Variants in KIF9 observed in about 807,000 individuals in gnomAD.
The protein encoded by KIF9 is kinesin family member 9, also known as kinesin-like protein KIF9.
A neutral mutation model predicts 94.8 loss-of-function variants in KIF9; 68 were observed. The observed-to-expected ratio is 0.72, with a 90% confidence interval of 0.59 to 0.88. The LOEUF is 0.88. Ranked by LOEUF, KIF9 falls within the 40% of genes least tolerant of loss-of-function variation. KIF9 has a pLI of 0.00. For missense variants in KIF9, 882 were observed against 982.5 expected, an observed-to-expected ratio of 0.90 and a Z score of 1.37; for synonymous variants, 343 against 362.1, an observed-to-expected ratio of 0.95 and a Z score of 0.60.
chr3:47,261,468 GCAGTGACGAACAGCCAGGGGCCT>G (rs1700969478), intron 9 of KIF9, among the ~76,000 whole-genome samples: 1 of 152,148 alleles, frequency 6.6e-6, no homozygotes, highest in Admixed American at 6.5e-5. Flanking sequence ...CTCCTCCTTG[GCAGTGACGAACAGCCAGGGGCCT>G]CAGGAGGCAG....
chr3:47,261,670 AC>A (rs1377303265), intron 9 of KIF9, among the ~76,000 whole-genome samples: 2 of 152,074 alleles, frequency 1.3e-5, no homozygotes, highest in Non-Finnish European at 2.9e-5. Flanking sequence ...TCAGCCACTG[AC>A]CCCCTGCAGG....
rs1700719824 is a variant in KIF9 at position 47,257,817 on chromosome 3, G to C, written c.982-257C>G. On this transcript the variant is annotated intron_variant, in intron 9 of 20. Transcript: ENST00000684063. ...CATGTAGACTGTGAGGATGCGCACT[G>C]GTCTATTCATCCAAACCTGACCACT... is the stretch of plus-strand genomic sequence containing the variant. Among the ~76,000 whole-genome samples, 4 of 152,166 alleles carry C rather than the reference G, an allele frequency of 2.6e-5. No homozygotes were observed. The South Asian group carries it at 8.3e-4, about 32-fold the overall frequency.
Position 47,282,489 on chromosome 3 carries a change from G to A in KIF9, c.-6+6C>T. ...CCACTCCCACCGGCGAGCAGCCCCT[G>A]CTCACCGTTCACCAGGCAGCGACGC... On this transcript the variant is annotated splice_donor_region_variant and intron_variant, in intron 1 of 20. Transcript: ENST00000684063. The A allele has an allele frequency of 1.0e-6, 1 of 992,858 alleles. No homozygotes were observed. Among genetic ancestry groups the A allele is most frequent in the Non-Finnish European group, 1.2e-6 (1 of 833,894 alleles). The allele number at this position is 992,858 out of a possible 1,614,324, so 61.5% of individuals were successfully genotyped here. A position where few individuals can be genotyped will look rare whatever the true frequency, so the allele number is the denominator to read the frequency against.
intron 20 of KIF9, among the ~76,000 whole-genome samples, chr3:47,229,876 C>T (rs929802463): frequency 6.6e-6 from 1 of 151,842 alleles, no homozygotes; most frequent in Non-Finnish European, 1.5e-5. Context: ...TGTGATTACA[C>T]GTGTGCACCA....
rs774868777 is a variant in KIF9 at position 47,243,092 on chromosome 3, G to C, written c.1668C>G (p.Pro556=). The C allele has an allele frequency of 2.5e-6, 4 of 1,613,146 alleles. No homozygotes were observed. The highest frequency in any genetic ancestry group is 1.7e-5 in the Admixed American group (1 of 59,974). ...SRDRETSSIE[P]LPSDSPKEEL... is the part of the protein sequence containing the mutation. The stretch of plus-strand genomic sequence containing the variant: ...CCTCCTTCGGGGAGTCTGAGGGAAG[G>C]GGCTCAATGCTGGAAGTTTCCCGGT... The change falls in exon 16 of 21, where the codon CCC becomes CCG. Residue 556 remains proline (P), a synonymous_variant. Transcript: ENST00000684063.
In KIF9 at chr3:47,228,603, G is replaced by A. The variant is rs747703260; in HGVS notation, c.*49C>T. The A allele has an allele frequency of 1.4e-6, 2 of 1,468,906 alleles. No individual in the cohort carries two copies. The highest frequency in any genetic ancestry group is 1.9e-6 in the Non-Finnish European group (2 of 1,047,668). 91.0% of individuals were successfully genotyped at this position (1,468,906 alleles called of 1,614,324 possible). On this transcript the variant is annotated 3_prime_UTR_variant, in exon 21 of 21. Coordinates refer to ENST00000684063, the MANE Select transcript of KIF9 (RefSeq NM_182902.4). ...CAGGTGGTTGAGCAGCTCCACTACA[G>A]TAGGTGGGAGTTGCTGGTCTTGTCC...
intron 16 of KIF9, among the ~76,000 whole-genome samples, chr3:47,242,429 T>C (rs780846440): frequency 2.0e-5 from 3 of 152,086 alleles, no homozygotes; most frequent in South Asian, 2.1e-4. Flanking sequence ...AATTGTAGAA[T>C]TGGGAGGATG....
At chr3:47,246,110 A>C (rs1166010332) in intron 13 of KIF9, 87 bp downstream of exon 13, 7 of 1,032,914 alleles carry the variant, frequency 6.8e-6, no homozygotes, top group Non-Finnish European at 8.3e-6. Context: ...AAGCAAGAAG[A>C]GGAGCTCTTG....
chr3:47,229,791 T>A (rs1210620223), intron 20 of KIF9, among the ~76,000 whole-genome samples: 2 of 151,740 alleles, frequency 1.3e-5, no homozygotes, highest in Non-Finnish European at 2.9e-5. Context: ...CGGAGTACAG[T>A]GGCGCAATCT....
At chr3:47,265,117 C>A (rs1035959467) in intron 8 of KIF9, among the ~76,000 whole-genome samples, 2 of 152,180 alleles carry the variant, frequency 1.3e-5, no homozygotes, top group African/African-American at 4.8e-5. Context: ...AGAGAGGACA[C>A]ACACATCTGT....
chr3:47,228,574 TG>T lies in KIF9; in HGVS notation c.*77del. Reference sequence around the variant, plus strand: ...ATTGGAGTAGAGGGGGCTGCAGCTCTGGGCAGGTGGTTGAGCAGCTCCACTA... The same window carrying T: ...ATTGGAGTAGAGGGGGCTGCAGCTCTGGCAGGTGGTTGAGCAGCTCCACTA... On this transcript the variant is annotated 3_prime_UTR_variant, in exon 21 of 21. Transcript: ENST00000684063. 1 of 1,183,974 alleles carries T rather than the reference TG, an allele frequency of 8.4e-7. No homozygotes were observed. The highest frequency in any genetic ancestry group is 1.3e-6 in the Non-Finnish European group (1 of 787,896). 73.3% of individuals were successfully genotyped at this position (1,183,974 alleles called of 1,614,324 possible). A position where few individuals can be genotyped will look rare whatever the true frequency, so the allele number is the denominator to read the frequency against.
intron 10 of KIF9, among the ~76,000 whole-genome samples, chr3:47,253,660 G>A (rs1475542805): frequency 6.6e-6 from 1 of 151,994 alleles, no homozygotes; most frequent in Admixed American, 6.6e-5. Flanking sequence ...TTTTATATGT[G>A]GTGTAAATAA....
In KIF9 at chr3:47,257,540, G is replaced by C. The variant is rs1367264143; in HGVS notation, c.1002C>G (p.Ala334=). ...LEETLSSLRF[A]SRMKLVTTEP... is the part of the protein sequence containing the mutation. ...CAGTGGTGACTAGCTTCATCCTGCT[G>C]GCAAATCTCAGTGAAGATAGCTGCA... is the stretch of plus-strand genomic sequence containing the variant. The change falls in exon 10 of 21, where the codon GCC becomes GCG. Residue 334 remains alanine (A), a synonymous_variant. Transcript: ENST00000684063. The C allele has an allele frequency of 1.9e-6, 3 of 1,613,634 alleles. No individual in the cohort carries two copies. Among genetic ancestry groups the C allele is most frequent in the Admixed American group, 1.7e-5 (1 of 60,004 alleles).
chr3:47,272,478 T>G (rs540782165), intron 4 of KIF9, among the ~76,000 whole-genome samples: 1 of 152,320 alleles, frequency 6.6e-6, no homozygotes, highest in South Asian at 2.1e-4. Flanking sequence ...TTTTTCAACA[T>G]TTTATGAAAT....
intron 8 of KIF9, 35 bp downstream of exon 8, chr3:47,265,695 A>G: frequency 6.2e-7 from 1 of 1,607,478 alleles, no homozygotes; most frequent in Non-Finnish European, 8.5e-7. Flanking sequence ...AAAGACACAG[A>G]CCCTCCTCCC....
chr3:47,241,885 T>TATATA (rs1491319975), intron 16 of KIF9, among the ~76,000 whole-genome samples: 11 of 13,152 alleles, frequency 8.4e-4, no homozygotes, highest in African/African-American at 9.7e-4. Context: ...TATATATATA[T>TATATA]TTTTTTTTTT....
Position 47,271,322 on chromosome 3 carries a change from A to C in KIF9, c.506T>G (p.Val169Gly). 1 of 1,614,072 alleles carries C rather than the reference A, an allele frequency of 6.2e-7. No homozygotes were observed. The highest frequency in any genetic ancestry group is 8.5e-7 in the Non-Finnish European group (1 of 1,180,016). ...VGPSVTPMTI[V>G]ENPQGVFIKG... is the part of the protein sequence containing the mutation. ...AATGAAGACTCCTTGAGGGTTTTCC[A>C]CGATGGTCATTGGTGTGACTGAGGG... is the stretch of plus-strand genomic sequence containing the variant. Residue 169 changes from valine to glycine, a missense_variant, in exon 5 of 21, where the codon GTG becomes GGG. Physicochemically the swap from Val to Gly is moderately radical, Grantham distance 109 (BLOSUM62 -3). Transcript: ENST00000684063.
At chr3:47,258,744 C>T (rs1700774470) in intron 9 of KIF9, among the ~76,000 whole-genome samples, 1 of 152,190 alleles carries the variant, frequency 6.6e-6, no homozygotes, top group Non-Finnish European at 1.5e-5. Flanking sequence ...CTGAGGCCGC[C>T]CCCAAAGCAG....
chr3:47,256,124 C>G, intron 10 of KIF9, among the ~76,000 whole-genome samples: 1 of 152,358 alleles, frequency 6.6e-6, no homozygotes, highest in African/African-American at 2.4e-5. Context: ...TTCCACCTCC[C>G]AGCCGCCTGC....
Sources: allele counts gnomAD v4.1 joint callset (sites outside exome capture counted in the v4.1 genomes callset), GRCh38; gene constraint gnomAD v4.1.1; transcripts MANE v1.5; gene names NCBI Gene and HGNC (gene_info 2026-07-23, HGNC 2026-07-21).